TUSC3: variants seen among roughly 807,000 people sequenced by gnomAD.
TUSC3 encodes tumor suppressor candidate 3, also known as dolichyl-diphosphooligosaccharide--protein glycosyltransferase subunit TUSC3.
In TUSC3, 45 loss-of-function variants were observed where a neutral mutation model predicts 44.8. The observed-to-expected ratio is 1.00, with a 90% CI of 0.79 to 1.29. The LOEUF (loss-of-function observed/expected upper bound fraction) is 1.29, where lower values mean the gene tolerates loss of function less well. TUSC3 is among the 50% of genes most tolerant of loss of function. The pLI is 0.00. For missense variants in TUSC3, 519 were observed against 437.9 expected (o/e 1.19, Z -1.65); for synonymous variants, 212 against 152.9 (o/e 1.39, Z -2.85).
chr8:15,827,435 T>A, the TUSC3 span, among the ~76,000 whole-genome samples: 1 of 152,162 alleles, frequency 6.6e-6, no homozygotes. Context: ...ATTCAATGGG[T>A]AGTGTTCAGT....
At chr8:15,787,591 C>A in the TUSC3 span, among the ~76,000 whole-genome samples, 1 of 152,270 alleles carries the variant, frequency 6.6e-6, no homozygotes, top group Middle Eastern at 3.4e-3. Context: ...CTCACAACAA[C>A]CGATCACTTC....
intron 7 of TUSC3, among the ~76,000 whole-genome samples, chr8:15,736,719 C>A (rs1009621656): frequency 6.6e-6 from 1 of 152,048 alleles, no homozygotes; most frequent in Admixed American, 6.6e-5. Flanking sequence ...AACTAATCTG[C>A]CTTTTTTTCT....
intron 1 of TUSC3, among the ~76,000 whole-genome samples, chr8:15,613,133 T>G (rs1387570963): frequency 6.7e-6 from 1 of 150,350 alleles, no homozygotes; most frequent in Non-Finnish European, 1.5e-5. Flanking sequence ...GGACACTTTT[T>G]AGTGCTAGAG....
At chr8:15,795,946 C>T in the TUSC3 span, among the ~76,000 whole-genome samples, 1 of 152,170 alleles carries the variant, frequency 6.6e-6, no homozygotes, top group African/African-American at 2.4e-5. Flanking sequence ...ACAGCGGAAC[C>T]TAAATTAAAT....
chr8:15,728,709 A>G (rs757905716), intron 6 of TUSC3, among the ~76,000 whole-genome samples: 2 of 152,188 alleles, frequency 1.3e-5, no homozygotes, highest in Admixed American at 6.5e-5. Context: ...GAGAATCAAT[A>G]TAGACATAAT....
At position 15,716,594 on chromosome 8, in the gene TUSC3, C is replaced by T. The variant is rs139036856; in HGVS notation, c.799-14072C>T. Reference sequence around the variant, plus strand: ...CGTGTGATACATTAATTACTAATGACGAAATATACTTTGAAATCTCTGGAG... The same window carrying T: ...CGTGTGATACATTAATTACTAATGATGAAATATACTTTGAAATCTCTGGAG... On this transcript the variant is annotated intron_variant, in intron 6 of 10. Transcript: ENST00000503731. Among the ~76,000 whole-genome samples, 364 of 152,044 alleles carry T rather than the reference C, an allele frequency of 2.4e-3. 2 individuals carry two copies. The highest frequency in any genetic ancestry group is 8.3e-3 in the African/African-American group (345 of 41,494).
At chr8:15,658,461 T>C (rs1336862590) in intron 3 of TUSC3, among the ~76,000 whole-genome samples, 1 of 152,164 alleles carries the variant, frequency 6.6e-6, no homozygotes, top group African/African-American at 2.4e-5. Flanking sequence ...TATCGTTTGC[T>C]TGATATCAAC....
At chr8:15,426,505 T>C (rs1799806233) in intron 1 of TUSC3, among the ~76,000 whole-genome samples, 1 of 152,234 alleles carries the variant, frequency 6.6e-6, no homozygotes, top group Non-Finnish European at 1.5e-5. Context: ...TATTTGTCCT[T>C]CTGTGACTGG....
intron 7 of TUSC3, among the ~76,000 whole-genome samples, chr8:15,739,511 C>G (rs1811096053): frequency 6.6e-6 from 1 of 152,086 alleles, no homozygotes; most frequent in African/African-American, 2.4e-5. Flanking sequence ...TTGAAAAATG[C>G]TATATTGTTA....
chr8:15,698,780 T>G (rs1285085187), intron 6 of TUSC3, among the ~76,000 whole-genome samples: 1 of 152,198 alleles, frequency 6.6e-6, no homozygotes, highest in Non-Finnish European at 1.5e-5. Context: ...GAAATCATTA[T>G]TTTTCTCCAG....
intron 7 of TUSC3, among the ~76,000 whole-genome samples, chr8:15,741,126 T>C (rs1163258981): frequency 1.8e-5 from 2 of 110,992 alleles, no homozygotes; most frequent in Non-Finnish European, 3.8e-5. Context: ...GTTCATGGCT[T>C]TGTGTGTGTA....
chr8:15,807,760 G>A, the TUSC3 span, among the ~76,000 whole-genome samples: 6 of 152,242 alleles, frequency 3.9e-5, no homozygotes, highest in African/African-American at 1.4e-4. Context: ...ATTAACACAG[G>A]AACAGAAAAA....
At chr8:15,562,439 ATTAGT>A (rs1341555907) in intron 1 of TUSC3, among the ~76,000 whole-genome samples, 1 of 152,150 alleles carries the variant, frequency 6.6e-6, no homozygotes, top group Non-Finnish European at 1.5e-5. Context: ...TTGTGGGTAT[ATTAGT>A]TTTATATTGA....
At chr8:15,444,257 C>G (rs770059489) in intron 1 of TUSC3, among the ~76,000 whole-genome samples, 5 of 152,154 alleles carry the variant, frequency 3.3e-5, no homozygotes, top group South Asian at 2.1e-4. Context: ...AGACAAGACT[C>G]TTCATGACAC....
At chr8:15,803,457 A>G in the TUSC3 span, among the ~76,000 whole-genome samples, 3 of 149,512 alleles carry the variant, frequency 2.0e-5, no homozygotes, top group African/African-American at 7.7e-5. Flanking sequence ...AGCAAGAACT[A>G]AAGAATTTAA....
At chr8:15,479,718 T>C (rs1163621935) in intron 1 of TUSC3, among the ~76,000 whole-genome samples, 5 of 152,238 alleles carry the variant, frequency 3.3e-5, no homozygotes, top group African/African-American at 7.2e-5. Flanking sequence ...GACAGCATAA[T>C]GCCTCCAGCT....
chr8:15,796,619 C>T, the TUSC3 span, among the ~76,000 whole-genome samples: 1 of 152,292 alleles, frequency 6.6e-6, no homozygotes, highest in African/African-American at 2.4e-5. Flanking sequence ...GTGAACCAGC[C>T]ATAGGCATTT....
At chr8:15,541,101 G>A (rs1447163952) in intron 1 of TUSC3, among the ~76,000 whole-genome samples, 1 of 152,162 alleles carries the variant, frequency 6.6e-6, no homozygotes, top group East Asian at 1.9e-4. Context: ...AAGTACAACA[G>A]AACATATTGA....
chr8:15,590,932 C>T (rs887151695), intron 1 of TUSC3, among the ~76,000 whole-genome samples: 1 of 152,062 alleles, frequency 6.6e-6, no homozygotes, highest in African/African-American at 2.4e-5. Context: ...CCTTGGCCTC[C>T]CAGAGTGCTT....
Sources: allele counts gnomAD v4.1 joint callset (sites outside exome capture counted in the v4.1 genomes callset), GRCh38; gene constraint gnomAD v4.1.1; transcripts MANE v1.5; gene names NCBI Gene and HGNC (gene_info 2026-07-23, HGNC 2026-07-21).